Variants in NKAIN2 observed in about 807,000 individuals in gnomAD.
NKAIN2 encodes the protein sodium/potassium-transporting ATPase subunit beta-1-interacting protein 2.
In NKAIN2, 14 loss-of-function variants were observed where a neutral mutation model predicts 32.6. That is an observed-to-expected ratio of 0.43 (90% CI 0.28 to 0.67). The LOEUF (loss-of-function observed/expected upper bound fraction) is 0.67, where lower values mean the gene tolerates loss of function less well. Ranked by LOEUF, NKAIN2 falls within the 30% of genes least tolerant of loss-of-function variation. NKAIN2 has a pLI of 0.17. For synonymous variants in NKAIN2, 80 were observed against 87.2 expected, an observed-to-expected ratio of 0.92 and a Z score of 0.46; for missense variants, 198 against 258.3, an observed-to-expected ratio of 0.77 and a Z score of 1.60.
intron 2 of NKAIN2, among the ~76,000 whole-genome samples, chr6:124,327,376 A>G: frequency 6.9e-6 from 1 of 144,850 alleles, no homozygotes; most frequent in Non-Finnish European, 1.5e-5. Context: ...TCATTGTTGA[A>G]CTCTTAATTA....
At chr6:124,257,097 A>G (rs1793985025) in intron 1 of NKAIN2, among the ~76,000 whole-genome samples, 1 of 151,468 alleles carries the variant, frequency 6.6e-6, no homozygotes, top group Non-Finnish European at 1.5e-5. Flanking sequence ...ACAAGTTTCT[A>G]CACCTCTAAT....
intron 3 of NKAIN2, among the ~76,000 whole-genome samples, chr6:124,456,420 T>C (rs1293098858): frequency 3.3e-5 from 5 of 151,916 alleles, no homozygotes; most frequent in East Asian, 3.9e-4. Context: ...ATTCCTAATA[T>C]GGGATTTGAC....
intron 3 of NKAIN2, among the ~76,000 whole-genome samples, chr6:124,518,214 A>T (rs894746428): frequency 2.0e-5 from 3 of 151,684 alleles, no homozygotes; most frequent in African/African-American, 7.3e-5. Context: ...TGAGCTAGCC[A>T]TATTTATATA....
rs80056859 is a variant in NKAIN2 at position 124,291,738 on chromosome 6, G to A, written c.192+8596G>A. ...TACGACAACCTTTGTTCATCTTGTGGTTCTTCCTTTTTTCTCTCCCTTAAC... is the reference window on the plus strand; with the variant it reads ...TACGACAACCTTTGTTCATCTTGTGATTCTTCCTTTTTTCTCTCCCTTAAC... On this transcript the variant is annotated intron_variant, in intron 2 of 6. Coordinates refer to ENST00000368417, the MANE Select transcript of NKAIN2 (RefSeq NM_001040214.3). 3.7e-4 allele frequency among the ~76,000 whole-genome samples: 56 copies of A among 152,076 alleles called. 1 individual carries two copies. In the East Asian group the frequency reaches 0.01, roughly 28 times the overall value.
intron 1 of NKAIN2, among the ~76,000 whole-genome samples, chr6:124,182,448 G>A (rs968405746): frequency 1.3e-5 from 2 of 152,104 alleles, no homozygotes; most frequent in Admixed American, 1.3e-4. Context: ...CAAAGACTTT[G>A]TCTTATTCAA....
At chr6:124,576,550 A>C (rs497756) in intron 3 of NKAIN2, among the ~76,000 whole-genome samples, 1 of 152,022 alleles carries the variant, frequency 6.6e-6, no homozygotes, top group East Asian at 1.9e-4. Flanking sequence ...TATTTTATAA[A>C]GTAGTGGGGC....
chr6:124,470,055 C>G (rs1776912572), intron 3 of NKAIN2, among the ~76,000 whole-genome samples: 2 of 152,130 alleles, frequency 1.3e-5, no homozygotes, highest in Non-Finnish European at 1.5e-5. Flanking sequence ...AACATAAGTT[C>G]TGAAGAATGA....
intron 3 of NKAIN2, among the ~76,000 whole-genome samples, chr6:124,470,244 CAGG>C (rs1450027437): frequency 1.3e-5 from 2 of 152,052 alleles, no homozygotes; most frequent in Non-Finnish European, 2.9e-5. Context: ...AGAGACGAGG[CAGG>C]AGAAGACTGC....
intron 4 of NKAIN2, among the ~76,000 whole-genome samples, chr6:124,721,675 T>C (rs1278247682): frequency 6.6e-6 from 1 of 152,174 alleles, no homozygotes; most frequent in Non-Finnish European, 1.5e-5. Flanking sequence ...TTTATCTTTG[T>C]CCACCTTCAA....
chr6:124,608,842 CAGA>C (rs1354013168), intron 3 of NKAIN2, among the ~76,000 whole-genome samples: 2 of 152,136 alleles, frequency 1.3e-5, no homozygotes, highest in African/African-American at 4.8e-5. Context: ...TGACCACAGG[CAGA>C]TGCCTGTGGA....
chr6:124,536,696 A>T (rs1286550621), intron 3 of NKAIN2, among the ~76,000 whole-genome samples: 1 of 152,102 alleles, frequency 6.6e-6, no homozygotes, highest in Non-Finnish European at 1.5e-5. Flanking sequence ...TCAAACACAG[A>T]CTGGAATTAC....
intron 5 of NKAIN2, chr6:124,804,399 T>C (rs1562392562): frequency 3.9e-6 from 2 of 506,628 alleles, no homozygotes; most frequent in Non-Finnish European, 5.1e-6. Flanking sequence ...ATTTTTCAGC[T>C]AACGATATAC....
rs529911486 is a variant in NKAIN2, at chr6:123,908,327, A to C, written c.54+104073A>C. Among the ~76,000 whole-genome samples the C allele has an allele frequency of 7.9e-5, 12 of 152,312 alleles. No individual in the cohort carries two copies. In the South Asian group the frequency reaches 2.5e-3, roughly 32 times the overall value. On this transcript the variant is annotated intron_variant, in intron 1 of 6. Coordinates refer to ENST00000368417, the MANE Select transcript of NKAIN2 (RefSeq NM_001040214.3). ...GCTTCAGAATGTTTCTTGTTGAATAATATTTTTACAGAATACTATGATTAT... is the reference window on the plus strand; with the variant it reads ...GCTTCAGAATGTTTCTTGTTGAATACTATTTTTACAGAATACTATGATTAT...
At chr6:124,644,188 T>C (rs1784085509) in intron 3 of NKAIN2, among the ~76,000 whole-genome samples, 1 of 152,204 alleles carries the variant, frequency 6.6e-6, no homozygotes, top group African/African-American at 2.4e-5. Context: ...TGGGGTCCTT[T>C]AATCTGAACT....
intron 1 of NKAIN2, among the ~76,000 whole-genome samples, chr6:124,094,813 C>T (rs970328162): frequency 1.3e-5 from 2 of 152,088 alleles, no homozygotes; most frequent in Non-Finnish European, 2.9e-5. Flanking sequence ...ACTAAAGGAA[C>T]TGACTCATTT....
At chr6:124,628,189 T>C (rs1783428992) in intron 3 of NKAIN2, among the ~76,000 whole-genome samples, 1 of 152,158 alleles carries the variant, frequency 6.6e-6, no homozygotes, top group South Asian at 2.1e-4. Context: ...ATCTTTCCGT[T>C]CCTTTAGGTT....
intron 1 of NKAIN2, chr6:123,828,713 A>G (rs1774249298): frequency 6.6e-6 from 1 of 151,986 alleles, no homozygotes; most frequent in Non-Finnish European, 1.5e-5. Context: ...AAATATCTCA[A>G]ACTTCTTCTC....
At chr6:124,049,254 A>C (rs1469380038) in intron 1 of NKAIN2, among the ~76,000 whole-genome samples, 2 of 152,068 alleles carry the variant, frequency 1.3e-5, no homozygotes, top group East Asian at 3.9e-4. Flanking sequence ...CTAAGTGATA[A>C]AAATAAATAC....
intron 1 of NKAIN2, among the ~76,000 whole-genome samples, chr6:123,848,703 G>T (rs895173578): frequency 6.6e-6 from 1 of 152,168 alleles, no homozygotes; most frequent in African/African-American, 2.4e-5. Context: ...TCTGTTTAAG[G>T]ACTGGGGATG....
Sources: allele counts gnomAD v4.1 joint callset (sites outside exome capture counted in the v4.1 genomes callset), GRCh38; gene constraint gnomAD v4.1.1; transcripts MANE v1.5; gene names NCBI Gene and HGNC (gene_info 2026-07-23, HGNC 2026-07-21).